The following FSTL5 variants were observed in gnomAD, a reference collection of about 807,000 sequenced individuals.
FSTL5 encodes follistatin like 5.
FSTL5 carries 62 observed loss-of-function variants against 89.1 expected under a neutral mutation model. The ratio of observed to expected loss-of-function variants is 0.70; its 90% confidence interval spans 0.57 to 0.86. The LOEUF (loss-of-function observed/expected upper bound fraction) is 0.86, where lower values mean the gene tolerates loss of function less well. Among genes scored for constraint, FSTL5 ranks in the 40% least tolerant of loss-of-function variants. The pLI, the probability that FSTL5 is intolerant of heterozygous loss-of-function variation, is 0.00. For missense variants in FSTL5, 1,057 were observed against 1,001.6 expected (o/e 1.06, Z -0.75); for synonymous variants, 383 against 346.2 (o/e 1.11, Z -1.18).
intron 7 of FSTL5, among the ~76,000 whole-genome samples, chr4:161,607,437 C>T (rs1734492453): frequency 6.6e-6 from 1 of 152,012 alleles, no homozygotes; most frequent in South Asian, 2.1e-4. Flanking sequence ...CTATAAAATA[C>T]TATAAAACTA....
At chr4:162,105,006 A>G (rs1731162760) in intron 2 of FSTL5, among the ~76,000 whole-genome samples, 2 of 152,330 alleles carry the variant, frequency 1.3e-5, no homozygotes, top group African/African-American at 2.4e-5. Context: ...AAAAGCATCT[A>G]GCCTATGGGT....
At chr4:161,475,744 G>A (rs1224465098) in intron 13 of FSTL5, among the ~76,000 whole-genome samples, 1 of 151,478 alleles carries the variant, frequency 6.6e-6, no homozygotes, top group East Asian at 1.9e-4. Flanking sequence ...AATACATTCT[G>A]TTGATTCTGT....
At chr4:161,458,265 A>C (rs1185255284) in intron 14 of FSTL5, among the ~76,000 whole-genome samples, 1 of 152,218 alleles carries the variant, frequency 6.6e-6, no homozygotes, top group Non-Finnish European at 1.5e-5. Context: ...TCACATTCTG[A>C]GAGTGGATTG....
At chr4:162,008,498 A>T (rs1224718548) in intron 3 of FSTL5, among the ~76,000 whole-genome samples, 1 of 151,852 alleles carries the variant, frequency 6.6e-6, no homozygotes, top group East Asian at 1.9e-4. Flanking sequence ...AAATCACGTT[A>T]TTTTAATTTT....
Position 161,664,424 on chromosome 4 carries a change from A to G in FSTL5, c.728-7930T>C, listed in dbSNP as rs561247301. Among the ~76,000 whole-genome samples the G allele has an allele frequency of 3.9e-5, 6 of 152,252 alleles. No individual in the cohort carries two copies. In the East Asian group the frequency reaches 1.2e-3, roughly 29 times the overall value. On this transcript the variant is annotated intron_variant, in intron 6 of 15. Coordinates refer to ENST00000306100, the MANE Select transcript of FSTL5 (RefSeq NM_020116.5). ...CTCTCCCAAGTTCAAAGTTTCACAA[A>G]TCTCTAGGGCAGGGTCAAAATGCTG...
chr4:161,546,819 G>A (rs7436576), intron 8 of FSTL5, among the ~76,000 whole-genome samples: 42,740 of 151,830 alleles, frequency 0.28, 7,057 homozygotes, highest in Non-Finnish European at 0.37. Context: ...AAATGGGGCT[G>A]GAGGCATCTC....
chr4:161,610,027 T>C lies in FSTL5; in HGVS notation c.895-22452A>G, dbSNP rs79025558. Among the ~76,000 whole-genome samples, 38 of 152,300 alleles carry C rather than the reference T, an allele frequency of 2.5e-4. 1 individual carries two copies. The East Asian group carries it at 4.8e-3, about 19-fold the overall frequency. ...GCAGTTTCTACTTTGGAATAATCAC[T>C]TTATTCATTTTATCTGAGTAGTACG... On this transcript the variant is annotated intron_variant, in intron 7 of 15. Transcript: ENST00000306100.
At chr4:162,046,720 G>A (rs1738196621) in intron 2 of FSTL5, among the ~76,000 whole-genome samples, 1 of 152,066 alleles carries the variant, frequency 6.6e-6, no homozygotes, top group African/African-American at 2.4e-5. Context: ...CTAATGAAAA[G>A]ATTTGTAATT....
chr4:161,514,281 T>A (rs1441891027), intron 10 of FSTL5, among the ~76,000 whole-genome samples: 1 of 151,766 alleles, frequency 6.6e-6, no homozygotes. Flanking sequence ...CATGGAATAC[T>A]ACTCAGCCAT....
At chr4:161,535,169 A>G (rs1225313133) in intron 10 of FSTL5, among the ~76,000 whole-genome samples, 5 of 152,076 alleles carry the variant, frequency 3.3e-5, no homozygotes, top group African/African-American at 1.2e-4. Flanking sequence ...TTGGCAGAGA[A>G]TTTATGGCTA....
chr4:161,610,548 C>T (rs1278866474), intron 7 of FSTL5, among the ~76,000 whole-genome samples: 3 of 152,024 alleles, frequency 2.0e-5, no homozygotes, highest in Non-Finnish European at 4.4e-5. Context: ...TATATAAAAC[C>T]CAGGTTTCTA....
chr4:161,827,547 G>T (rs1384479602), intron 4 of FSTL5, among the ~76,000 whole-genome samples: 1 of 152,200 alleles, frequency 6.6e-6, no homozygotes, highest in Non-Finnish European at 1.5e-5. Context: ...TCGACTACCA[G>T]GGCTGGTAGA....
chr4:161,584,971 G>A (rs1733556300), intron 8 of FSTL5, among the ~76,000 whole-genome samples: 1 of 152,138 alleles, frequency 6.6e-6, no homozygotes, highest in African/African-American at 2.4e-5. Context: ...AGCAATCACT[G>A]CTAATATTGA....
intron 7 of FSTL5, among the ~76,000 whole-genome samples, chr4:161,636,358 T>A (rs1735699421): frequency 6.6e-6 from 1 of 151,614 alleles, no homozygotes; most frequent in Admixed American, 6.6e-5. Context: ...TTAAAGTAAT[T>A]AGGTGTCTTT....
chr4:162,086,725 A>G (rs570272222), intron 2 of FSTL5, among the ~76,000 whole-genome samples: 78 of 152,066 alleles, frequency 5.1e-4, no homozygotes, highest in African/African-American at 1.8e-3. Flanking sequence ...TGTATATTTT[A>G]AAAAAGAGCT....
chr4:161,385,735 A>G lies in FSTL5; in HGVS notation c.*12T>C. The G allele has an allele frequency of 1.3e-6, 2 of 1,511,390 alleles. No homozygotes were observed. Among genetic ancestry groups the G allele is most frequent in the East Asian group, 2.3e-5 (1 of 44,346 alleles). The allele number at this position is 1,511,390 out of a possible 1,614,324, so 93.6% of individuals were successfully genotyped here. A position where few individuals can be genotyped will look rare whatever the true frequency, so the allele number is the denominator to read the frequency against. ...GTAAAACGCTTCATTCAATAATTGT[A>G]TCGTAGGGTTTTTAGGCATCTCCAA... is the stretch of plus-strand genomic sequence containing the variant. On this transcript the variant is annotated 3_prime_UTR_variant, in exon 16 of 16. Coordinates refer to ENST00000306100, the MANE Select transcript of FSTL5 (RefSeq NM_020116.5).
rs771369601 is a variant in FSTL5, at chr4:162,111,256, G to T, written c.126+15C>A. 6.3e-7 allele frequency: 1 copy of T among 1,589,882 alleles called. No homozygotes were observed. Among genetic ancestry groups the T allele is most frequent in the East Asian group, 2.3e-5 (1 of 44,402 alleles). The stretch of plus-strand genomic sequence containing the variant: ...TTGGCAGGCACTATGAGCAGATTCA[G>T]AATATTGACTGTACCTTATGTCGCA... On this transcript the variant is annotated intron_variant, in intron 2 of 15. Transcript: ENST00000306100.
intron 4 of FSTL5, among the ~76,000 whole-genome samples, chr4:161,910,085 C>T (rs1298681721): frequency 2.0e-5 from 3 of 152,146 alleles, no homozygotes; most frequent in African/African-American, 7.2e-5. Flanking sequence ...ATGTTCATTT[C>T]TCAAATCCTC....
intron 3 of FSTL5, 30 bp downstream of exon 3, chr4:162,033,594 TA>T: frequency 1.6e-6 from 2 of 1,228,356 alleles, no homozygotes; most frequent in Non-Finnish European, 2.3e-6. Flanking sequence ...TGAACTTATA[TA>T]ATTGTTATCT....
Sources: allele counts gnomAD v4.1 joint callset (sites outside exome capture counted in the v4.1 genomes callset), GRCh38; gene constraint gnomAD v4.1.1; transcripts MANE v1.5; gene names NCBI Gene and HGNC (gene_info 2026-07-23, HGNC 2026-07-21).